PTPRK: variants seen among roughly 807,000 people sequenced by gnomAD.
PTPRK encodes the protein receptor-type tyrosine-protein phosphatase kappa.
PTPRK carries 75 observed loss-of-function variants against 178.0 expected under a neutral mutation model. The observed-to-expected ratio is 0.42, with a 90% CI of 0.35 to 0.51. The LOEUF is 0.51. Ranked by LOEUF, PTPRK falls within the 20% of genes least tolerant of loss-of-function variation. The probability of loss-of-function intolerance (pLI) is 0.02; values close to 1 mark genes in which losing one functional copy is unlikely to be tolerated. For missense variants in PTPRK, 1,441 were observed against 1,797.8 expected (o/e 0.80, Z 3.59); for synonymous variants, 637 against 620.6 (o/e 1.03, Z -0.39).
At chr6:128,370,884 C>T (rs879621421) in intron 2 of PTPRK, among the ~76,000 whole-genome samples, 6 of 152,148 alleles carry the variant, frequency 3.9e-5, no homozygotes, top group Non-Finnish European at 8.8e-5. Context: ...AGCACCAACA[C>T]TACTAAATAC....
chr6:128,077,707 C>T (rs563459781), intron 11 of PTPRK, among the ~76,000 whole-genome samples: 8 of 152,050 alleles, frequency 5.3e-5, no homozygotes, highest in Middle Eastern at 3.4e-3. Context: ...AACAAAATGT[C>T]CACAAAATCA....
intron 12 of PTPRK, among the ~76,000 whole-genome samples, chr6:128,066,866 T>G (rs564791510): frequency 6.6e-6 from 1 of 152,114 alleles, no homozygotes. Flanking sequence ...TCAATATTCA[T>G]TTGGGATCAG....
chr6:128,431,247 T>C (rs1452129644), intron 1 of PTPRK, among the ~76,000 whole-genome samples: 1 of 152,152 alleles, frequency 6.6e-6, no homozygotes, highest in Non-Finnish European at 1.5e-5. Flanking sequence ...CAAATATTCT[T>C]AATTATTGTG....
At chr6:128,293,282 T>C (rs1294370176) in intron 3 of PTPRK, among the ~76,000 whole-genome samples, 1 of 152,052 alleles carries the variant, frequency 6.6e-6, no homozygotes, top group African/African-American at 2.4e-5. Context: ...ACTAGCAGGT[T>C]TGGTTGTCTG....
rs1183458356 is a variant in PTPRK, at chr6:128,419,272, G to A, written c.101-21584C>T. ...AGATTAAAATGGACACTAAAAGGGG[G>A]TAAGTGTGGCCTTGAGCTGCCTCTT... is the stretch of plus-strand genomic sequence containing the variant. On this transcript the variant is annotated intron_variant, in intron 1 of 29. Transcript: ENST00000368226. Among the ~76,000 whole-genome samples the A allele has an allele frequency of 2.6e-5, 4 of 152,292 alleles. No individual in the cohort carries two copies. In the East Asian group the frequency reaches 5.8e-4, roughly 22 times the overall value.
At chr6:128,270,069 G>A (rs1307578354) in intron 3 of PTPRK, among the ~76,000 whole-genome samples, 2 of 151,990 alleles carry the variant, frequency 1.3e-5, no homozygotes, top group Non-Finnish European at 2.9e-5. Flanking sequence ...TCTGGCTTTT[G>A]GGCTAAGATC....
chr6:128,429,986 T>G (rs960649933), intron 1 of PTPRK, among the ~76,000 whole-genome samples: 3 of 152,226 alleles, frequency 2.0e-5, no homozygotes, highest in Admixed American at 6.5e-5. Context: ...AATGAAAATT[T>G]CAGTAGTTTG....
chr6:128,126,704 G>T (rs150642034), intron 7 of PTPRK, among the ~76,000 whole-genome samples: 15 of 152,234 alleles, frequency 9.9e-5, no homozygotes, highest in African/African-American at 3.4e-4. Context: ...GCCCAAGCTG[G>T]TCTCAAACTT....
chr6:128,413,916 G>A (rs1048519263), intron 1 of PTPRK, among the ~76,000 whole-genome samples: 6 of 151,764 alleles, frequency 4.0e-5, no homozygotes, highest in African/African-American at 1.5e-4. Context: ...CTATTTAATT[G>A]ACCTTAATAA....
intron 2 of PTPRK, among the ~76,000 whole-genome samples, chr6:128,327,782 C>T (rs930157796): frequency 2.0e-5 from 3 of 152,114 alleles, no homozygotes; most frequent in South Asian, 2.1e-4. Flanking sequence ...GAAACTTTAA[C>T]GCTGTGAAGA....
chr6:128,151,875 T>C (rs932476571), intron 7 of PTPRK, among the ~76,000 whole-genome samples: 3 of 151,818 alleles, frequency 2.0e-5, no homozygotes, highest in Non-Finnish European at 4.4e-5. Flanking sequence ...AAAAATAAAA[T>C]AGAGTATAAT....
At chr6:128,087,457 G>C (rs1045672487) in intron 8 of PTPRK, among the ~76,000 whole-genome samples, 21 of 152,004 alleles carry the variant, frequency 1.4e-4, no homozygotes, top group African/African-American at 5.1e-4. Flanking sequence ...AAATTTTTTG[G>C]AGCTATTGAA....
At chr6:128,067,466 G>T in intron 12 of PTPRK, 53 bp downstream of exon 12, 52 of 1,389,960 alleles carry the variant, frequency 3.7e-5, no homozygotes, top group South Asian at 1.5e-4. Flanking sequence ...CATAAAATTT[G>T]ACTTCAGCTT....
At chr6:128,298,228 C>T (rs1393989613) in intron 3 of PTPRK, among the ~76,000 whole-genome samples, 4 of 151,960 alleles carry the variant, frequency 2.6e-5, no homozygotes, top group Non-Finnish European at 4.4e-5. Context: ...GAAATTGTGG[C>T]AATAATCAAT....
Position 128,429,946 on chromosome 6 carries a change from A to G in PTPRK, c.101-32258T>C, listed in dbSNP as rs551007745. Among the ~76,000 whole-genome samples the G allele has an allele frequency of 1.1e-4, 16 of 152,378 alleles. 1 individual carries two copies. The highest frequency in any genetic ancestry group is 3.4e-3 in the Middle Eastern group (1 of 294). On this transcript the variant is annotated intron_variant, in intron 1 of 29. Coordinates refer to ENST00000368226, the MANE Select transcript of PTPRK (RefSeq NM_002844.4). ...TTTATCATTTTTGAATTCACTTATT[A>G]GGTATGAAATTTTATTTATAAAAGA...
chr6:127,979,236 C>T (rs73580742), intron 25 of PTPRK, among the ~76,000 whole-genome samples: 5,198 of 152,044 alleles, frequency 0.034, 123 homozygotes, highest in South Asian at 0.07. Context: ...TGATCATGCA[C>T]GACACTCCAG....
chr6:128,179,893 T>A (rs1424579912), intron 7 of PTPRK, among the ~76,000 whole-genome samples: 1 of 152,068 alleles, frequency 6.6e-6, no homozygotes, highest in African/African-American at 2.4e-5. Flanking sequence ...AGAAAAAAAA[T>A]GCATTTTTAG....
chr6:128,318,391 A>C (rs756463170), intron 3 of PTPRK, among the ~76,000 whole-genome samples: 6 of 152,218 alleles, frequency 3.9e-5, no homozygotes, highest in Non-Finnish European at 5.9e-5. Flanking sequence ...AGGAGACAAA[A>C]ACAGAAAATC....
At chr6:128,402,454 T>C (rs777956691) in intron 1 of PTPRK, among the ~76,000 whole-genome samples, 1 of 152,164 alleles carries the variant, frequency 6.6e-6, no homozygotes, top group African/African-American at 2.4e-5. Flanking sequence ...GGTTTCACCA[T>C]GTGGGGCCAG....
Sources: allele counts gnomAD v4.1 joint callset (sites outside exome capture counted in the v4.1 genomes callset), GRCh38; gene constraint gnomAD v4.1.1; transcripts MANE v1.5; gene names NCBI Gene and HGNC (gene_info 2026-07-23, HGNC 2026-07-21).